The following SNCAIP variants were observed in gnomAD, a reference collection of about 807,000 sequenced individuals.
The protein encoded by SNCAIP is synphilin-1.
In SNCAIP, 43 loss-of-function variants were observed where a neutral mutation model predicts 86.7. The observed-to-expected ratio is 0.50, with a 90% CI of 0.39 to 0.64. The LOEUF (loss-of-function observed/expected upper bound fraction) is 0.64. Among genes scored for constraint, SNCAIP ranks in the 30% least tolerant of loss-of-function variants. SNCAIP has a pLI of 0.00. For synonymous variants in SNCAIP, 417 were observed against 427.2 expected (o/e 0.98, Z 0.29); for missense variants, 981 against 1,103.1 (o/e 0.89, Z 1.57).
intron 1 of SNCAIP, among the ~76,000 whole-genome samples, chr5:122,368,800 TC>T (rs1450855533): frequency 1.3e-5 from 2 of 152,142 alleles, no homozygotes; most frequent in Non-Finnish European, 2.9e-5. Context: ...GAAGTTTCTC[TC>T]CATTCACTTT....
At chr5:122,435,762 CTG>C (rs1424712808) in intron 6 of SNCAIP, among the ~76,000 whole-genome samples, 14 of 152,060 alleles carry the variant, frequency 9.2e-5, no homozygotes, top group African/African-American at 3.4e-4. Flanking sequence ...TTCCCGCAGG[CTG>C]TGTTATTGTT....
At chr5:122,409,661 G>A (rs188927519) in intron 3 of SNCAIP, among the ~76,000 whole-genome samples, 7 of 152,244 alleles carry the variant, frequency 4.6e-5, no homozygotes, top group Non-Finnish European at 8.8e-5. Context: ...TTGCAAATTC[G>A]CTATATTTTT....
At chr5:122,444,784 A>G in intron 8 of SNCAIP, 52 bp downstream of exon 8, 9 of 1,472,824 alleles carry the variant, frequency 6.1e-6, no homozygotes, top group Non-Finnish European at 8.6e-6. Flanking sequence ...TTATTGTTGT[A>G]CTTAGGCTTC....
intron 2 of SNCAIP, among the ~76,000 whole-genome samples, chr5:122,398,133 C>G (rs1231197788): frequency 5.3e-5 from 8 of 152,052 alleles, no homozygotes; most frequent in Admixed American, 5.2e-4. Context: ...CTGATGAATG[C>G]AAGAGCAGGA....
intron 10 of SNCAIP, among the ~76,000 whole-genome samples, chr5:122,456,803 T>C (rs1362677497): frequency 2.6e-5 from 4 of 152,236 alleles, no homozygotes; most frequent in Non-Finnish European, 1.5e-5. Context: ...TACTCAATCA[T>C]GTGGGTGTTG....
chr5:122,377,093 A>T (rs527759625), intron 1 of SNCAIP, among the ~76,000 whole-genome samples: 1 of 152,278 alleles, frequency 6.6e-6, no homozygotes, highest in East Asian at 1.9e-4. Flanking sequence ...ATGTCCTCCA[A>T]GATTTACCCT....
intron 1 of SNCAIP, among the ~76,000 whole-genome samples, chr5:122,327,821 G>A (rs1365028233): frequency 6.6e-6 from 1 of 152,176 alleles, no homozygotes; most frequent in African/African-American, 2.4e-5. Context: ...TCTGTCTGGT[G>A]GAGAAGAAAC....
At chr5:122,441,125 T>G (rs1203797102) in intron 7 of SNCAIP, 2 of 234,408 alleles carry the variant, frequency 8.5e-6, no homozygotes, top group Non-Finnish European at 1.7e-5. Flanking sequence ...TTCCCCTAAC[T>G]AGTAAATTTC....
intron 1 of SNCAIP, among the ~76,000 whole-genome samples, chr5:122,350,429 C>T (rs999251185): frequency 6.6e-6 from 1 of 151,238 alleles, no homozygotes; most frequent in African/African-American, 2.4e-5. Flanking sequence ...TTAGTGTATA[C>T]TAAATAGATA....
intron 3 of SNCAIP, among the ~76,000 whole-genome samples, chr5:122,405,414 G>T (rs1332520650): frequency 6.6e-6 from 1 of 152,098 alleles, no homozygotes; most frequent in East Asian, 1.9e-4. Flanking sequence ...TAATGTGCTG[G>T]GTACTGTTGT....
chr5:122,388,359 G>C (rs1768639542), intron 1 of SNCAIP, among the ~76,000 whole-genome samples: 1 of 152,026 alleles, frequency 6.6e-6, no homozygotes, highest in African/African-American at 2.4e-5. Context: ...CTCTGTAGCT[G>C]TGCTTTCTGT....
chr5:122,454,194 G>A (rs1164755659), intron 10 of SNCAIP, among the ~76,000 whole-genome samples: 1 of 152,236 alleles, frequency 6.6e-6, no homozygotes. Flanking sequence ...GTATTTGTGT[G>A]TTGTGGGTAT....
At chr5:122,369,548 T>G (rs1344052351) in intron 1 of SNCAIP, among the ~76,000 whole-genome samples, 1 of 152,210 alleles carries the variant, frequency 6.6e-6, no homozygotes, top group East Asian at 1.9e-4. Context: ...AAATTCTCCC[T>G]TAATTCTTTT....
intron 1 of SNCAIP, among the ~76,000 whole-genome samples, chr5:122,381,680 C>T (rs947207945): frequency 3.2e-4 from 49 of 151,644 alleles, no homozygotes; most frequent in African/African-American, 1.0e-3. Flanking sequence ...CAGCTGGTAC[C>T]GGTTGTTCCT....
intron 1 of SNCAIP, among the ~76,000 whole-genome samples, chr5:122,331,268 C>T (rs534596367): frequency 5.9e-5 from 9 of 152,242 alleles, no homozygotes; most frequent in Admixed American, 5.2e-4. Context: ...TAGTTAATTC[C>T]TGTGTGACGT....
chr5:122,330,367 T>C lies in SNCAIP; in HGVS notation c.-47+18083T>C, dbSNP rs368899650. ...CGAGCTCCTGACCTCGTGATCCGCC[T>C]GCCTCGGCCTCCCAAAGTGCTGGGA... is the stretch of plus-strand genomic sequence containing the variant. On this transcript the variant is annotated intron_variant, in intron 1 of 10. Transcript: ENST00000261368. Among the ~76,000 whole-genome samples the C allele has an allele frequency of 4.6e-5, 7 of 152,140 alleles. No individual in the cohort carries two copies. In the South Asian group the frequency reaches 6.2e-4, roughly 14 times the overall value.
intron 6 of SNCAIP, among the ~76,000 whole-genome samples, chr5:122,433,570 C>G (rs1778835434): frequency 1.3e-5 from 2 of 152,110 alleles, no homozygotes; most frequent in African/African-American, 4.8e-5. Flanking sequence ...AGATTTTTAA[C>G]TGTACCAAAT....
intron 6 of SNCAIP, among the ~76,000 whole-genome samples, chr5:122,433,502 G>A (rs1203052404): frequency 6.6e-6 from 1 of 151,702 alleles, no homozygotes; most frequent in African/African-American, 2.4e-5. Flanking sequence ...ACTTTTTTTT[G>A]CAGTTTTATC....
rs751902256 is a variant in SNCAIP at position 122,463,451 on chromosome 5, G to T, written c.2755-40G>T. ...GGTATTGTCTTGTAACTTGACCATA[G>T]TTTTATCTAATTTTGGCCTGTGGTT... On this transcript the variant is annotated intron_variant, in intron 10 of 10. Coordinates refer to ENST00000261368, the MANE Select transcript of SNCAIP (RefSeq NM_005460.4). 4 of 1,202,728 alleles carry T rather than the reference G, an allele frequency of 3.3e-6. No homozygotes were observed. In the African/African-American group the frequency reaches 6.0e-5, roughly 18 times the overall value. The allele number at this position is 1,202,728 out of a possible 1,614,324, so 74.5% of individuals were successfully genotyped here.
Sources: allele counts gnomAD v4.1 joint callset (sites outside exome capture counted in the v4.1 genomes callset), GRCh38; gene constraint gnomAD v4.1.1; transcripts MANE v1.5; gene names NCBI Gene and HGNC (gene_info 2026-07-23, HGNC 2026-07-21).